Variants in KLHL15 observed in about 807,000 individuals in gnomAD.
The protein encoded by KLHL15 is kelch-like protein 15.
In KLHL15, 1 loss-of-function variant was observed where a neutral mutation model predicts 29.3. The observed-to-expected ratio is 0.03, with a 90% confidence interval of 0.01 to 0.16. The LOEUF is 0.16. Among genes scored for constraint, KLHL15 ranks in the 10% least tolerant of loss-of-function variants. The probability of loss-of-function intolerance (pLI) is 1.00; values close to 1 mark genes in which losing one functional copy is unlikely to be tolerated. For synonymous variants in KLHL15, 212 were observed against 184.5 expected (o/e 1.15, Z -1.21); for missense variants, 215 against 478.5 (o/e 0.45, Z 5.14).
intron 3 of KLHL15, among the ~76,000 whole-genome samples, chrX:24,004,789 CAA>C (rs11288965): frequency 6.7e-4 from 44 of 65,199 alleles, no homozygotes; most frequent in Admixed American, 2.5e-3. Context: ...GACTCTGTCT[CAA>C]AAAAAAAAAA....
intron 3 of KLHL15, among the ~76,000 whole-genome samples, chrX:24,001,512 G>C (rs1484979409): frequency 9.0e-6 from 1 of 110,972 alleles, no homozygotes; most frequent in African/African-American, 3.3e-5. Context: ...TACAAAAAAA[G>C]TCAAGCATAG....
At chrX:24,004,920 GA>G (rs1007594142) in intron 3 of KLHL15, among the ~76,000 whole-genome samples, 325 of 109,852 alleles carry the variant, frequency 3.0e-3, no homozygotes, top group South Asian at 0.019. Flanking sequence ...CATTTTGGAG[GA>G]AAAAAAAATA....
chrX:24,001,679 C>T (rs1036912470), intron 3 of KLHL15, among the ~76,000 whole-genome samples: 3 of 106,641 alleles, frequency 2.8e-5, no homozygotes, highest in Non-Finnish European at 3.9e-5. Flanking sequence ...TGGCACACAC[C>T]TGTAATTCCA....
chrX:24,013,954 C>T (rs760159790), intron 2 of KLHL15, among the ~76,000 whole-genome samples: 4 of 110,878 alleles, frequency 3.6e-5, no homozygotes, highest in Non-Finnish European at 5.7e-5. Flanking sequence ...TGGTCACCAA[C>T]GATCATTCTG....
At chrX:23,990,735 G>A (rs73486004) in intron 3 of KLHL15, among the ~76,000 whole-genome samples, 1 of 110,437 alleles carries the variant, frequency 9.1e-6, no homozygotes, top group African/African-American at 3.3e-5. Context: ...TGGGAGGGAA[G>A]TCAAAACCAG....
At chrX:24,008,502 G>C (rs1432529461) in intron 2 of KLHL15, among the ~76,000 whole-genome samples, 1 of 112,545 alleles carries the variant, frequency 8.9e-6, no homozygotes, top group Non-Finnish European at 1.9e-5. Flanking sequence ...GCCTTCCAAA[G>C]TGGTGGGGTT....
intron 2 of KLHL15, among the ~76,000 whole-genome samples, chrX:24,012,305 T>C (rs1423818515): frequency 1.8e-5 from 2 of 112,348 alleles, no homozygotes; most frequent in Admixed American, 9.5e-5. Context: ...AAGGCCCTAA[T>C]TGGTCCAATT....
In KLHL15 at chrX:24,006,655, G is replaced by A. The variant is rs368485665; in HGVS notation, c.39C>T (p.His13=). Residue 13 remains histidine, a synonymous_variant, in exon 3 of 4, where the codon CAC becomes CAT. Coordinates refer to ENST00000328046, the MANE Select transcript of KLHL15 (RefSeq NM_030624.3). ...TGAACCCAGCAGAGACACTGGTGTC[G>A]TGGATGGAGGAACAGAATCCTTCCA... ...GDVEGFCSSI[H]DTSVSAGFRA... is the part of the protein sequence containing the mutation. 5.8e-6 allele frequency: 7 copies of A among 1,206,347 alleles called. No individual in the cohort carries two copies. Among genetic ancestry groups the A allele is most frequent in the African/African-American group, 3.5e-5 (2 of 57,590 alleles).
rs1355423461 is a variant in KLHL15 at position 23,986,710 on chromosome X, C to G, written c.*1211G>C. On this transcript the variant is annotated 3_prime_UTR_variant, in exon 4 of 4. Coordinates refer to ENST00000328046, the MANE Select transcript of KLHL15 (RefSeq NM_030624.3). ...CGCTGGGTATTTTGTACAAAATAAA[C>G]AAGTAGATAAAACCAGTAACATTAT... 1 of 112,120 alleles carries G rather than the reference C, an allele frequency of 8.9e-6. No homozygotes were observed. The highest frequency in any genetic ancestry group is 9.5e-5 in the Admixed American group (1 of 10,496). 9.2% of individuals were successfully genotyped at this position (112,120 alleles called of 1,213,427 possible). A position where few individuals can be genotyped will look rare whatever the true frequency, so the allele number is the denominator to read the frequency against.
In KLHL15 at chrX:24,001,202, T is replaced by C. The variant is rs996646688; in HGVS notation, c.705+4787A>G. 8.9e-5 allele frequency among the ~76,000 whole-genome samples: 10 copies of C among 112,022 alleles called. No homozygotes were observed. In the South Asian group the frequency reaches 3.6e-3, roughly 41 times the overall value. On this transcript the variant is annotated intron_variant, in intron 3 of 3. Transcript: ENST00000328046. ...TACTTCCTTAATAGCCAATGAAAAA[T>C]GAACTATAAAATCCTAAATACAAAG...
chrX:24,006,277 G>A lies in KLHL15; in HGVS notation c.417C>T (p.Leu139=). The A allele has an allele frequency of 8.3e-7, 1 of 1,211,751 alleles. No individual in the cohort carries two copies. The highest frequency in any genetic ancestry group is 1.1e-6 in the Non-Finnish European group (1 of 895,579). ...CGATGTTTACGCCGAAATCATCTAA[G>A]AGTCTCATAATTTCTGCACAATTTT... ...CLENCAEIMR[L]LDDFGVNIEG... is the part of the protein sequence containing the mutation. Residue 139 remains leucine (L), a synonymous_variant, in exon 3 of 4, where the codon CTC becomes CTT. Coordinates refer to ENST00000328046, the MANE Select transcript of KLHL15 (RefSeq NM_030624.3).
chrX:24,007,511 ATATAT>A lies in KLHL15; in HGVS notation c.-7-816_-7-812del, dbSNP rs1569268156. Among the ~76,000 whole-genome samples, 224 of 51,029 alleles carry A rather than the reference ATATAT, an allele frequency of 4.4e-3. 2 individuals carry two copies. The South Asian group carries it at 0.069, about 16-fold the overall frequency. 44.3% of individuals were successfully genotyped at this position (51,029 alleles called of 115,157 possible). On this transcript the variant is annotated intron_variant, in intron 2 of 3. Transcript: ENST00000328046. ...ATTTCCAAAAAAAAAAAAAAAAAATATATATATATATATATATATATATATCAAAC... is the reference window on the plus strand; with the variant it reads ...ATTTCCAAAAAAAAAAAAAAAAAATAATATATATATATATATATATCAAAC...
intron 3 of KLHL15, among the ~76,000 whole-genome samples, chrX:23,996,878 T>C (rs374087517): frequency 3.6e-5 from 4 of 112,384 alleles, no homozygotes; most frequent in Non-Finnish European, 7.5e-5. Flanking sequence ...AATATGCCTT[T>C]AATCAATCCC....
rs375768164 is a variant in KLHL15, at chrX:24,020,140, G to A, written c.-8+4717C>T. Among the ~76,000 whole-genome samples, 4 of 112,267 alleles carry A rather than the reference G, an allele frequency of 3.6e-5. No individual in the cohort carries two copies. The East Asian group carries it at 8.4e-4, about 23-fold the overall frequency. On this transcript the variant is annotated intron_variant, in intron 2 of 3. Transcript: ENST00000328046. ...GCAGAAAATGCCACAGTTGCATATC[G>A]AAAAGAGAATGCAAAGGCTTACTAC...
chrX:24,004,805 A>ATAC (rs1929414259), intron 3 of KLHL15, among the ~76,000 whole-genome samples: 2 of 110,328 alleles, frequency 1.8e-5, no homozygotes, highest in Non-Finnish European at 3.8e-5. Context: ...AAAAAAAAAA[A>ATAC]ATACATACAT....
At chrX:24,000,802 T>C (rs1216326560) in intron 3 of KLHL15, among the ~76,000 whole-genome samples, 1 of 112,566 alleles carries the variant, frequency 8.9e-6, no homozygotes, top group Non-Finnish European at 1.9e-5. Flanking sequence ...ATACAGCACC[T>C]ACAGTTTACA....
chrX:24,014,659 A>G (rs1929640523), intron 2 of KLHL15, among the ~76,000 whole-genome samples: 2 of 111,598 alleles, frequency 1.8e-5, no homozygotes, highest in Admixed American at 1.9e-4. Flanking sequence ...AGAAGACCCC[A>G]AAGACATATG....
In KLHL15 at chrX:23,984,725, TATAAA is replaced by T. The variant is rs1257503949; in HGVS notation, c.*3191_*3195del. On this transcript the variant is annotated 3_prime_UTR_variant, in exon 4 of 4. Coordinates refer to ENST00000328046, the MANE Select transcript of KLHL15 (RefSeq NM_030624.3). ...AGATTATGCAGCTCAAATAATCTGT[TATAAA>T]ATATTTTAAAGCTTAGTTTCATGTA... The T allele has an allele frequency of 8.9e-6, 1 of 112,532 alleles. No homozygotes were observed. Among genetic ancestry groups the T allele is most frequent in the Non-Finnish European group, 1.9e-5 (1 of 53,284 alleles). The allele number at this position is 112,532 out of a possible 1,213,427, so 9.3% of individuals were successfully genotyped here.
At chrX:23,995,630 G>A (rs760940829) in intron 3 of KLHL15, among the ~76,000 whole-genome samples, 1 of 111,087 alleles carries the variant, frequency 9.0e-6, no homozygotes, top group South Asian at 3.8e-4. Flanking sequence ...TGAATACCAT[G>A]TGGCCAGGCT....
Sources: gnomAD v4.1 joint callset for allele counts (sites outside exome capture counted in the v4.1 genomes callset) on GRCh38, gnomAD v4.1.1 for gene constraint, MANE v1.5 for transcripts, NCBI Gene and HGNC (gene_info 2026-07-23, HGNC 2026-07-21) for gene names.